Variants in CDH4 observed in about 807,000 individuals in gnomAD.
CDH4 encodes cadherin 4, also known as cadherin-4.
In CDH4, 33 loss-of-function variants were observed where a neutral mutation model predicts 86.0. The ratio of observed to expected loss-of-function variants is 0.38; its 90% CI spans 0.29 to 0.51. The LOEUF (loss-of-function observed/expected upper bound fraction) is 0.51. CDH4 is among the 20% of genes least tolerant of loss of function. The pLI, the probability that CDH4 is intolerant of heterozygous loss-of-function variation, is 0.86. For synonymous variants in CDH4, 555 were observed against 549.4 expected (o/e 1.01, Z -0.14); for missense variants, 1,114 against 1,307.4 (o/e 0.85, Z 2.28).
intron 2 of CDH4, among the ~76,000 whole-genome samples, chr20:61,477,921 C>G (rs924827055): frequency 6.6e-6 from 1 of 152,160 alleles, no homozygotes; most frequent in Non-Finnish European, 1.5e-5. Context: ...AATCATCCCT[C>G]TCTCTCTCCG....
At chr20:61,860,027 G>A (rs995441775) in intron 6 of CDH4, among the ~76,000 whole-genome samples, 7 of 152,260 alleles carry the variant, frequency 4.6e-5, no homozygotes, top group Admixed American at 2.0e-4. Flanking sequence ...TTCAGTAAAA[G>A]AACAAGGACA....
intron 2 of CDH4, among the ~76,000 whole-genome samples, chr20:61,332,792 C>T (rs1162012069): frequency 6.6e-6 from 1 of 152,234 alleles, no homozygotes; most frequent in Non-Finnish European, 1.5e-5. Flanking sequence ...GTCCCTGCCC[C>T]GGCTGTGGCG....
chr20:61,282,347 A>G (rs2084263355), intron 2 of CDH4, among the ~76,000 whole-genome samples: 1 of 152,258 alleles, frequency 6.6e-6, no homozygotes, highest in African/African-American at 2.4e-5. Context: ...AGACAGCGTC[A>G]GACTCAGTCT....
intron 6 of CDH4, among the ~76,000 whole-genome samples, chr20:61,863,971 A>G (rs6089529): frequency 3.3e-5 from 5 of 152,194 alleles, no homozygotes; most frequent in African/African-American, 9.7e-5. Flanking sequence ...GCCCTGCCCC[A>G]CAATTCACAT....
chr20:61,934,290 CACAG>C, intron 15 of CDH4, 70 bp downstream of exon 15: 1 of 1,457,814 alleles, frequency 6.9e-7, no homozygotes, highest in Non-Finnish European at 9.1e-7. Context: ...TGGTAACACA[CACAG>C]AAGCCATCTC....
At position 61,741,009 on chromosome 20, in the gene CDH4, G is replaced by C. The variant is rs550243840; in HGVS notation, c.170-2554G>C. ...GTGGATCACCTGAGGTCAGGAGTTC[G>C]AGACCAGCCTGGCCAACGTGGTGAA... On this transcript the variant is annotated intron_variant, in intron 2 of 15. Transcript: ENST00000614565. The C allele has an allele frequency of 4.6e-5, 7 of 152,392 alleles. No individual in the cohort carries two copies. The East Asian group carries it at 1.4e-3, about 29-fold the overall frequency. The allele number at this position is 152,392 out of a possible 1,614,324, so 9.4% of individuals were successfully genotyped here. A position where few individuals can be genotyped will look rare whatever the true frequency, so the allele number is the denominator to read the frequency against.
intron 2 of CDH4, among the ~76,000 whole-genome samples, chr20:61,474,528 G>A (rs1034152502): frequency 5.3e-5 from 8 of 151,768 alleles, no homozygotes; most frequent in African/African-American, 1.5e-4. Flanking sequence ...TAGTACCTTC[G>A]GGGTAGTAAA....
chr20:61,852,733 C>T lies in CDH4; in HGVS notation c.733-21C>T, dbSNP rs773803756. On this transcript the variant is annotated intron_variant, in intron 5 of 15. Coordinates refer to ENST00000614565, the MANE Select transcript of CDH4 (RefSeq NM_001794.5). ...GGGGGTGCCCACCCGCCACTGGGCC[C>T]TGTCTCTGCTGCTTTTCCAGCTCCG... 64 of 1,606,206 alleles carry T rather than the reference C, an allele frequency of 4.0e-5. No individual in the cohort carries two copies. The Admixed American group carries it at 6.6e-4, about 16-fold the overall frequency.
At chr20:61,798,501 G>A (rs1011431417) in intron 4 of CDH4, among the ~76,000 whole-genome samples, 12 of 152,226 alleles carry the variant, frequency 7.9e-5, no homozygotes, top group East Asian at 7.7e-4. Context: ...CACTGCAGGC[G>A]GGTGGGCCCC....
chr20:61,299,317 A>G (rs528916285), intron 2 of CDH4, among the ~76,000 whole-genome samples: 17 of 152,220 alleles, frequency 1.1e-4, no homozygotes, highest in Middle Eastern at 3.4e-3. Flanking sequence ...GCTCCTCCCA[A>G]TGGGTCCCAG....
intron 2 of CDH4, among the ~76,000 whole-genome samples, chr20:61,726,074 C>G (rs2088107306): frequency 6.6e-6 from 1 of 152,044 alleles, no homozygotes; most frequent in South Asian, 2.1e-4. Flanking sequence ...AGCCAGCCCC[C>G]AGCCACCACG....
In CDH4 at chr20:61,731,164, C is replaced by G. The variant is rs181514704; in HGVS notation, c.170-12399C>G. Reference sequence around the variant, plus strand: ...AGCATGAGGGCGTCCGAGTCCCCCCCTCAGCCCTCAGCCCTGCCCTTGGCT... The same window carrying G: ...AGCATGAGGGCGTCCGAGTCCCCCCGTCAGCCCTCAGCCCTGCCCTTGGCT... On this transcript the variant is annotated intron_variant, in intron 2 of 15. Transcript: ENST00000614565. Among the ~76,000 whole-genome samples, 9 of 152,146 alleles carry G rather than the reference C, an allele frequency of 5.9e-5. No individual in the cohort carries two copies. The East Asian group carries it at 9.7e-4, about 16-fold the overall frequency.
At chr20:61,414,316 G>A (rs1255075918) in intron 2 of CDH4, among the ~76,000 whole-genome samples, 1 of 152,230 alleles carries the variant, frequency 6.6e-6, no homozygotes, top group Non-Finnish European at 1.5e-5. Flanking sequence ...GATGCCTGCA[G>A]GAAGTGGGTG....
intron 2 of CDH4, among the ~76,000 whole-genome samples, chr20:61,321,239 T>G (rs1220344536): frequency 6.6e-6 from 1 of 152,168 alleles, no homozygotes; most frequent in African/African-American, 2.4e-5. Flanking sequence ...TTAGAACAGT[T>G]AATTTCCTGG....
intron 2 of CDH4, among the ~76,000 whole-genome samples, chr20:61,566,949 A>G (rs1439801828): frequency 1.3e-5 from 2 of 152,090 alleles, no homozygotes; most frequent in Non-Finnish European, 2.9e-5. Context: ...GGCTGTTGCC[A>G]GCGGCGGTGA....
chr20:61,919,243 T>C (rs373546410), intron 9 of CDH4, among the ~76,000 whole-genome samples: 1 of 152,234 alleles, frequency 6.6e-6, no homozygotes, highest in African/African-American at 2.4e-5. Context: ...CGAGAAGTCC[T>C]GAGTGTGACA....
At chr20:61,721,464 A>G (rs557960425) in intron 2 of CDH4, among the ~76,000 whole-genome samples, 2 of 152,262 alleles carry the variant, frequency 1.3e-5, no homozygotes, top group East Asian at 3.9e-4. Context: ...AAAAAAAATC[A>G]TTTCTGGTTC....
intron 15 of CDH4, among the ~76,000 whole-genome samples, chr20:61,936,354 CTTCCCCACACCCCCTCCCCT>C (rs2055185616): frequency 2.7e-4 from 4 of 14,650 alleles, no homozygotes; most frequent in South Asian, 5.7e-3. Context: ...CCCCACACCC[CTTCCCCACACCCCCTCCCCT>C]TCCCCCACAC....
chr20:61,671,802 A>C (rs1206965983), intron 2 of CDH4, among the ~76,000 whole-genome samples: 1 of 148,596 alleles, frequency 6.7e-6, no homozygotes, highest in Non-Finnish European at 1.5e-5. Context: ...TGGATAGATG[A>C]TGGATGGGTA....
Sources: gnomAD v4.1 joint callset for allele counts (sites outside exome capture counted in the v4.1 genomes callset) on GRCh38, gnomAD v4.1.1 for gene constraint, MANE v1.5 for transcripts, NCBI Gene and HGNC (gene_info 2026-07-23, HGNC 2026-07-21) for gene names.